HAPLN1: variants seen among roughly 807,000 people sequenced by gnomAD.
The protein encoded by HAPLN1 is Cartilage link protein.
In HAPLN1, 13 loss-of-function variants were observed where a neutral mutation model predicts 36.5. The observed-to-expected ratio is 0.36, with a 90% CI of 0.23 to 0.57. HAPLN1 has a LOEUF of 0.57. Ranked by LOEUF, HAPLN1 falls within the 20% of genes least tolerant of loss-of-function variation. The pLI, the probability that HAPLN1 is intolerant of heterozygous loss-of-function variation, is 0.83. For synonymous variants in HAPLN1, 202 were observed against 169.8 expected (o/e 1.19, Z -1.48); for missense variants, 407 against 439.7 (o/e 0.93, Z 0.66).
At chr5:83,686,355 A>C (rs1333701817) in intron 1 of HAPLN1, among the ~76,000 whole-genome samples, 3 of 152,164 alleles carry the variant, frequency 2.0e-5, no homozygotes, top group Admixed American at 2.0e-4. Context: ...AAGAGGGAAC[A>C]AGACCAGCCT....
chr5:83,646,586 G>A (rs1224751934), intron 3 of HAPLN1, among the ~76,000 whole-genome samples: 1 of 152,196 alleles, frequency 6.6e-6, no homozygotes, highest in Non-Finnish European at 1.5e-5. Flanking sequence ...GACCCAAGAA[G>A]GCTTCCTGAT....
At chr5:83,659,520 T>C (rs559960980) in intron 2 of HAPLN1, among the ~76,000 whole-genome samples, 1 of 152,186 alleles carries the variant, frequency 6.6e-6, no homozygotes, top group East Asian at 1.9e-4. Context: ...TTTTCACATG[T>C]ACACTTCCAT....
chr5:83,652,951 A>G (rs1241969504), intron 2 of HAPLN1, 127 bp from the exon 3 acceptor site: 7 of 910,814 alleles, frequency 7.7e-6, no homozygotes, highest in Non-Finnish European at 1.1e-5. Flanking sequence ...TAGCTTCTCT[A>G]CGTAATCTCT....
At chr5:83,644,736 T>C in intron 3 of HAPLN1, 71 bp from the exon 4 acceptor site, 1 of 1,186,090 alleles carries the variant, frequency 8.4e-7, no homozygotes, top group Non-Finnish European at 1.1e-6. Flanking sequence ...TGCCACCTAG[T>C]TGGTGAAAAA....
At chr5:83,647,477 C>G (rs1749908468) in intron 3 of HAPLN1, among the ~76,000 whole-genome samples, 1 of 152,152 alleles carries the variant, frequency 6.6e-6, no homozygotes, top group Non-Finnish European at 1.5e-5. Context: ...ATGTATCTTA[C>G]AAGCAGGGCC....
chr5:83,703,756 C>A (rs984541175), intron 1 of HAPLN1, among the ~76,000 whole-genome samples: 4 of 152,044 alleles, frequency 2.6e-5, no homozygotes, highest in Non-Finnish European at 5.9e-5. Flanking sequence ...AGAAAGCCAA[C>A]AACTTGGAAA....
At chr5:83,698,475 T>C (rs1751441180) in intron 1 of HAPLN1, among the ~76,000 whole-genome samples, 1 of 152,172 alleles carries the variant, frequency 6.6e-6, no homozygotes, top group South Asian at 2.1e-4. Flanking sequence ...TTTTGATTTT[T>C]GGTTTTTATG....
rs187613844 is a variant in HAPLN1, at chr5:83,719,791, G to A, written c.-27+998C>T. ...GAAATAGTTACCAGAAACTACAATT[G>A]TAATGAATAAATATTACATTCATTT... is the stretch of plus-strand genomic sequence containing the variant. On this transcript the variant is annotated intron_variant, in intron 1 of 4. Transcript: ENST00000274341. 4.7e-4 allele frequency among the ~76,000 whole-genome samples: 71 copies of A among 152,230 alleles called. 2 individuals are homozygous for A. Among genetic ancestry groups the A allele is most frequent in the African/African-American group, 1.5e-3 (64 of 41,548 alleles).
At chr5:83,674,345 A>G (rs1750811859) in intron 1 of HAPLN1, 1 of 152,230 alleles carries the variant, frequency 6.6e-6, no homozygotes, top group South Asian at 2.1e-4. Context: ...TCCCAGGGCA[A>G]TTAGGCAAAT....
intron 1 of HAPLN1, among the ~76,000 whole-genome samples, chr5:83,699,776 A>G (rs535625366): frequency 6.6e-6 from 1 of 152,358 alleles, no homozygotes. Flanking sequence ...ATCATGTTCC[A>G]TAGTTTCTGA....
intron 1 of HAPLN1, among the ~76,000 whole-genome samples, chr5:83,716,665 T>C (rs967414439): frequency 2.0e-5 from 3 of 152,242 alleles, no homozygotes; most frequent in Non-Finnish European, 2.9e-5. Context: ...TGGTTTTCTC[T>C]TGTAAAGTTT....
intron 1 of HAPLN1, among the ~76,000 whole-genome samples, chr5:83,679,930 GTC>G (rs1750959535): frequency 6.6e-6 from 1 of 152,124 alleles, no homozygotes; most frequent in African/African-American, 2.4e-5. Context: ...ATATCAGATC[GTC>G]TCTTCTACTT....
At chr5:83,676,572 G>T (rs143058806) in intron 1 of HAPLN1, among the ~76,000 whole-genome samples, 1,612 of 152,252 alleles carry the variant, frequency 0.011, 32 homozygotes, top group African/African-American at 0.037. Flanking sequence ...TCTAAGTGCT[G>T]GTCCCAGTAG....
intron 1 of HAPLN1, among the ~76,000 whole-genome samples, chr5:83,707,410 A>G (rs1363071934): frequency 4.6e-5 from 7 of 152,270 alleles, no homozygotes; most frequent in South Asian, 4.1e-4. Context: ...AACAGAATAG[A>G]AAGTCCCCAA....
chr5:83,713,790 G>A (rs1270214658), intron 1 of HAPLN1, among the ~76,000 whole-genome samples: 3 of 151,986 alleles, frequency 2.0e-5, no homozygotes, highest in East Asian at 1.9e-4. Flanking sequence ...CAGACTTCTC[G>A]TCCACATCCA....
At chr5:83,660,405 T>C (rs1306369444) in intron 2 of HAPLN1, among the ~76,000 whole-genome samples, 2 of 152,196 alleles carry the variant, frequency 1.3e-5, no homozygotes, top group African/African-American at 2.4e-5. Context: ...AACAGTGGAA[T>C]TCCTTGCCCC....
At chr5:83,704,878 C>G (rs1250226388) in intron 1 of HAPLN1, among the ~76,000 whole-genome samples, 2 of 152,138 alleles carry the variant, frequency 1.3e-5, no homozygotes, top group Non-Finnish European at 2.9e-5. Context: ...ATATTTAGGA[C>G]CTGAACTCAA....
intron 3 of HAPLN1, among the ~76,000 whole-genome samples, chr5:83,651,248 C>G (rs1750053679): frequency 6.6e-6 from 1 of 152,156 alleles, no homozygotes; most frequent in Non-Finnish European, 1.5e-5. Flanking sequence ...ACTGGCAGAG[C>G]TGAGGCGAAC....
At chr5:83,706,427 T>C (rs1408681545) in intron 1 of HAPLN1, among the ~76,000 whole-genome samples, 2 of 152,206 alleles carry the variant, frequency 1.3e-5, no homozygotes, top group Non-Finnish European at 2.9e-5. Flanking sequence ...TGGTTCAACA[T>C]ACACAAATCA....
Sources: allele counts gnomAD v4.1 joint callset (sites outside exome capture counted in the v4.1 genomes callset), GRCh38; gene constraint gnomAD v4.1.1; transcripts MANE v1.5; gene names NCBI Gene and HGNC (gene_info 2026-07-23, HGNC 2026-07-21).